The following RPH3A variants were observed in gnomAD, a reference collection of about 807,000 sequenced individuals.
RPH3A encodes the protein rabphilin-3A.
Under a neutral mutation model 102.2 loss-of-function variants are expected in RPH3A, and 48 were observed. The ratio of observed to expected loss-of-function variants is 0.47; its 90% CI spans 0.37 to 0.60. RPH3A has a LOEUF of 0.60. Among genes scored for constraint, RPH3A ranks in the 20% least tolerant of loss-of-function variants. RPH3A has a pLI of 0.00. For synonymous variants in RPH3A, 310 were observed against 324.3 expected, an observed-to-expected ratio of 0.96 and a Z score of 0.47; for missense variants, 781 against 910.1, an observed-to-expected ratio of 0.86 and a Z score of 1.83.
intron 2 of RPH3A, among the ~76,000 whole-genome samples, chr12:112,792,807 G>C (rs919125540): frequency 1.3e-5 from 2 of 152,200 alleles, no homozygotes; most frequent in Admixed American, 1.3e-4. Context: ...TGCGAGGTTG[G>C]CTGTTCACGC....
In RPH3A at chr12:112,661,757, A is replaced by C. The variant is rs532514270; in HGVS notation, c.-140+86438A>C. On this transcript the variant is annotated intron_variant, in intron 1 of 21. Transcript: ENST00000543106. ...ATATTCCCTTAAGAGTGGATGTGCT[A>C]CCTTCTGTGAGCAATTAAGGAAGTG... Among the ~76,000 whole-genome samples, 5 of 151,602 alleles carry C rather than the reference A, an allele frequency of 3.3e-5. No individual in the cohort carries two copies. The East Asian group carries it at 9.7e-4, about 29-fold the overall frequency.
chr12:112,849,792 G>A (rs2042292177), intron 5 of RPH3A, among the ~76,000 whole-genome samples: 1 of 152,200 alleles, frequency 6.6e-6, no homozygotes, highest in Non-Finnish European at 1.5e-5. Context: ...CTGTGGCCAA[G>A]AGGCTTGGGA....
chr12:112,675,406 C>T (rs1348863581), intron 1 of RPH3A, among the ~76,000 whole-genome samples: 1 of 152,122 alleles, frequency 6.6e-6, no homozygotes, highest in Non-Finnish European at 1.5e-5. Context: ...TTAATGGAAC[C>T]ATTAACTGGG....
At chr12:112,840,509 C>T (rs2042123796) in intron 4 of RPH3A, among the ~76,000 whole-genome samples, 1 of 151,968 alleles carries the variant, frequency 6.6e-6, no homozygotes, top group Non-Finnish European at 1.5e-5. Flanking sequence ...ATTCTCAAGC[C>T]CCACCGCAGA....
chr12:112,679,037 AC>A (rs2040207872), intron 1 of RPH3A, among the ~76,000 whole-genome samples: 1 of 152,014 alleles, frequency 6.6e-6, no homozygotes, highest in Non-Finnish European at 1.5e-5. Context: ...CCATGGACCA[AC>A]CTGCCCCCCA....
At position 112,887,821 on chromosome 12, in the gene RPH3A, A is replaced by G; in HGVS notation, c.1461A>G (p.Lys487=). 6.2e-7 allele frequency: 1 copy of G among 1,613,826 alleles called. No individual in the cohort carries two copies. Among genetic ancestry groups the G allele is most frequent in the Non-Finnish European group, 8.5e-7 (1 of 1,179,808 alleles). Reference sequence around the variant, plus strand: ...GGATCTCCGTCTGTGATGAGGACAAATTTGGCCACAATGAATTTATTGGTG... The same window carrying G: ...GGATCTCCGTCTGTGATGAGGACAAGTTTGGCCACAATGAATTTATTGGTG... ...TLRISVCDED[K]FGHNEFIGET... Residue 487 remains lysine, a synonymous_variant, in exon 17 of 22, where the codon AAA becomes AAG. Coordinates refer to ENST00000389385, the MANE Select transcript of RPH3A (RefSeq NM_001143854.2).
intron 2 of RPH3A, among the ~76,000 whole-genome samples, chr12:112,814,146 T>C (rs1050384199): frequency 6.6e-6 from 1 of 151,764 alleles, no homozygotes; most frequent in African/African-American, 2.4e-5. Flanking sequence ...TATGTGCGTG[T>C]GTTTGCAGCA....
intron 19 of RPH3A, 123 bp downstream of exon 19, chr12:112,891,126 C>T: frequency 1.8e-6 from 2 of 1,108,620 alleles, no homozygotes; most frequent in Non-Finnish European, 2.6e-6. Flanking sequence ...AAGGAACCTG[C>T]CCAAGGTCAC....
At chr12:112,728,591 C>T (rs370044630) in intron 1 of RPH3A, among the ~76,000 whole-genome samples, 5 of 152,186 alleles carry the variant, frequency 3.3e-5, no homozygotes, top group Admixed American at 6.5e-5. Context: ...AGACTGTTCC[C>T]GGTATTTAAC....
At chr12:112,644,125 T>C (rs1347043177) in intron 1 of RPH3A, among the ~76,000 whole-genome samples, 1 of 152,118 alleles carries the variant, frequency 6.6e-6, no homozygotes, top group Non-Finnish European at 1.5e-5. Context: ...AGTGGAATAA[T>C]AAACACTGGA....
intron 1 of RPH3A, among the ~76,000 whole-genome samples, chr12:112,582,450 A>G (rs1424612354): frequency 1.4e-5 from 2 of 145,742 alleles, no homozygotes; most frequent in Non-Finnish European, 3.0e-5. Context: ...GGCCTTGAAA[A>G]ATATATATTT....
chr12:112,736,209 G>A lies in RPH3A; in HGVS notation c.-139-55934G>A, dbSNP rs549943755. Among the ~76,000 whole-genome samples the A allele has an allele frequency of 2.6e-5, 4 of 152,276 alleles. No homozygotes were observed. The South Asian group carries it at 6.2e-4, about 24-fold the overall frequency. On this transcript the variant is annotated intron_variant, in intron 1 of 21. Transcript: ENST00000543106. ...TGTACTACCCCTGACCTCTATGCACGAGATTCTAGTGGCACTACCCCCACC... is the reference window on the plus strand; with the variant it reads ...TGTACTACCCCTGACCTCTATGCACAAGATTCTAGTGGCACTACCCCCACC...
intron 2 of RPH3A, among the ~76,000 whole-genome samples, chr12:112,800,855 A>G (rs189257933): frequency 1.2e-3 from 180 of 152,200 alleles, no homozygotes; most frequent in Non-Finnish European, 2.2e-3. Context: ...GGGTTAAGAG[A>G]CAAGAACCCA....
intron 1 of RPH3A, among the ~76,000 whole-genome samples, chr12:112,626,985 C>T (rs201792500): frequency 2.0e-5 from 2 of 101,246 alleles, no homozygotes; most frequent in African/African-American, 8.0e-5. Flanking sequence ...CGCATATTCT[C>T]ACTCATAGGT....
chr12:112,796,241 A>G (rs1353010265), intron 2 of RPH3A, among the ~76,000 whole-genome samples: 2 of 152,196 alleles, frequency 1.3e-5, no homozygotes, highest in Non-Finnish European at 2.9e-5. Flanking sequence ...TGTTCCTTCA[A>G]GTCCCTGGGA....
chr12:112,828,054 G>A (rs1452552138), intron 2 of RPH3A, among the ~76,000 whole-genome samples: 1 of 152,170 alleles, frequency 6.6e-6, no homozygotes, highest in African/African-American at 2.4e-5. Context: ...AACAGTGAAT[G>A]GGAAGAGCTT....
intron 1 of RPH3A, among the ~76,000 whole-genome samples, chr12:112,652,556 G>A (rs1457983043): frequency 6.6e-6 from 1 of 152,176 alleles, no homozygotes; most frequent in Non-Finnish European, 1.5e-5. Context: ...TGGACTGGTG[G>A]CTGTTGAGTG....
intron 1 of RPH3A, among the ~76,000 whole-genome samples, chr12:112,691,492 C>A (rs928270270): frequency 6.6e-6 from 1 of 152,088 alleles, no homozygotes; most frequent in Admixed American, 6.5e-5. Context: ...TTATGAACAT[C>A]TTTCTGTGTC....
At chr12:112,613,334 A>G (rs1235082957) in intron 1 of RPH3A, among the ~76,000 whole-genome samples, 1 of 151,806 alleles carries the variant, frequency 6.6e-6, no homozygotes, top group Admixed American at 6.6e-5. Context: ...AGGAGGTGTC[A>G]GGGATATTCT....
Sources: allele counts gnomAD v4.1 joint callset (sites outside exome capture counted in the v4.1 genomes callset), GRCh38; gene constraint gnomAD v4.1.1; transcripts MANE v1.5; gene names NCBI Gene and HGNC (gene_info 2026-07-23, HGNC 2026-07-21).